Variants in TMTC2 observed in about 807,000 individuals in gnomAD.
TMTC2 encodes transmembrane O-mannosyltransferase targeting cadherins 2, also known as protein O-mannosyl-transferase TMTC2.
A neutral mutation model predicts 82.4 loss-of-function variants in TMTC2; 43 were observed. The ratio of observed to expected loss-of-function variants is 0.52; its 90% CI spans 0.41 to 0.67. The LOEUF is 0.67. Ranked by LOEUF, TMTC2 falls within the 30% of genes least tolerant of loss-of-function variation. The pLI, the probability that TMTC2 is intolerant of heterozygous loss-of-function variation, is 0.00. For synonymous variants in TMTC2, 408 were observed against 381.9 expected (o/e 1.07, Z -0.80); for missense variants, 919 against 1,012.4 (o/e 0.91, Z 1.25).
At chr12:82,739,376 A>C (rs1281427652) in intron 1 of TMTC2, among the ~76,000 whole-genome samples, 2 of 152,034 alleles carry the variant, frequency 1.3e-5, no homozygotes, top group African/African-American at 4.8e-5. Flanking sequence ...TTCTGGGTGG[A>C]GAAGAGATAT....
chr12:82,714,864 G>A (rs907458271), intron 1 of TMTC2, among the ~76,000 whole-genome samples: 4 of 152,136 alleles, frequency 2.6e-5, no homozygotes, highest in Admixed American at 2.6e-4. Flanking sequence ...TGGCTCATGG[G>A]ACTTGAACAT....
chr12:82,998,943 G>A (rs1879792781), intron 8 of TMTC2, among the ~76,000 whole-genome samples: 1 of 152,088 alleles, frequency 6.6e-6, no homozygotes, highest in South Asian at 2.1e-4. Flanking sequence ...ATTGAAGTTA[G>A]TACAGAGAGT....
Position 83,079,542 on chromosome 12 carries a change from C to G in TMTC2, c.2331+17711C>G, listed in dbSNP as rs1408538209. On this transcript the variant is annotated intron_variant, in intron 11 of 11. Transcript: ENST00000321196. Reference sequence around the variant, plus strand: ...TTGTTATAATAGATTTTACCTTCTACAACTGTTTGCTTTTACTTGTAACCA... The same window carrying G: ...TTGTTATAATAGATTTTACCTTCTAGAACTGTTTGCTTTTACTTGTAACCA... 1.3e-5 allele frequency among the ~76,000 whole-genome samples: 2 copies of G among 152,070 alleles called. 1 individual carries two copies. Among genetic ancestry groups the G allele is most frequent in the Admixed American group, 1.3e-4 (2 of 15,258 alleles).
chr12:82,831,236 T>TG (rs1233532860), intron 1 of TMTC2, among the ~76,000 whole-genome samples: 2 of 152,212 alleles, frequency 1.3e-5, no homozygotes, highest in African/African-American at 4.8e-5. Flanking sequence ...TTCTGCCTTC[T>TG]GGTTTGACCA....
intron 1 of TMTC2, among the ~76,000 whole-genome samples, chr12:82,782,430 T>G (rs2137010951): frequency 6.6e-6 from 1 of 152,290 alleles, no homozygotes; most frequent in Admixed American, 6.5e-5. Context: ...ACATTTTATC[T>G]TCATTTCAGC....
At chr12:82,889,630 A>G (rs1271828222) in intron 2 of TMTC2, among the ~76,000 whole-genome samples, 5 of 149,258 alleles carry the variant, frequency 3.3e-5, no homozygotes, top group Non-Finnish European at 7.4e-5. Flanking sequence ...TCACAAAAAT[A>G]TTTTTCACAA....
intron 2 of TMTC2, among the ~76,000 whole-genome samples, chr12:82,895,350 C>G (rs944448392): frequency 6.6e-6 from 1 of 152,110 alleles, no homozygotes; most frequent in Non-Finnish European, 1.5e-5. Flanking sequence ...TCCTGCCATA[C>G]CACATATTTT....
chr12:82,769,738 G>A (rs1003386858), intron 1 of TMTC2, among the ~76,000 whole-genome samples: 2 of 152,074 alleles, frequency 1.3e-5, no homozygotes, highest in African/African-American at 2.4e-5. Context: ...AGCCTCCTGT[G>A]TAGCTGGGAT....
intron 9 of TMTC2, among the ~76,000 whole-genome samples, chr12:83,032,588 A>G (rs945870791): frequency 5.3e-5 from 8 of 152,084 alleles, no homozygotes; most frequent in African/African-American, 1.7e-4. Context: ...CTTGCTGCCC[A>G]GGCTGGTGTG....
intron 1 of TMTC2, among the ~76,000 whole-genome samples, chr12:82,760,620 G>A (rs1432440395): frequency 6.6e-6 from 1 of 151,960 alleles, no homozygotes; most frequent in African/African-American, 2.4e-5. Context: ...TGGGTCCATG[G>A]CCTGTTAGAA....
chr12:82,917,504 A>T (rs1481295339), intron 3 of TMTC2, among the ~76,000 whole-genome samples: 1 of 152,050 alleles, frequency 6.6e-6, no homozygotes, highest in Non-Finnish European at 1.5e-5. Context: ...TAATAGTACA[A>T]ACTGGATGAT....
intron 7 of TMTC2, among the ~76,000 whole-genome samples, chr12:82,978,554 C>T (rs1878781481): frequency 6.6e-6 from 1 of 151,598 alleles, no homozygotes; most frequent in Non-Finnish European, 1.5e-5. Flanking sequence ...AGAGAATATA[C>T]TTGATATAAT....
intron 1 of TMTC2, among the ~76,000 whole-genome samples, chr12:82,764,566 C>T (rs1159933682): frequency 1.3e-5 from 2 of 152,160 alleles, no homozygotes; most frequent in African/African-American, 4.8e-5. Flanking sequence ...AGCATAAATG[C>T]TTAAAGATAC....
chr12:82,761,397 G>A (rs1433149354), intron 1 of TMTC2, among the ~76,000 whole-genome samples: 1 of 152,350 alleles, frequency 6.6e-6, no homozygotes, highest in South Asian at 2.1e-4. Flanking sequence ...GTGGGGATGA[G>A]TACAGTGTCA....
intron 1 of TMTC2, among the ~76,000 whole-genome samples, chr12:82,734,086 C>G (rs1874967882): frequency 1.3e-5 from 2 of 152,160 alleles, no homozygotes; most frequent in Non-Finnish European, 1.5e-5. Flanking sequence ...CAGATCACAT[C>G]AGGGTATGTG....
chr12:82,777,896 C>T (rs1036244195), intron 1 of TMTC2, among the ~76,000 whole-genome samples: 8 of 152,028 alleles, frequency 5.3e-5, no homozygotes, highest in African/African-American at 1.9e-4. Context: ...TCTGCCTGCC[C>T]AGATGCTTCC....
At chr12:82,968,663 C>T (rs1878323487) in intron 7 of TMTC2, among the ~76,000 whole-genome samples, 1 of 152,122 alleles carries the variant, frequency 6.6e-6, no homozygotes, top group Non-Finnish European at 1.5e-5. Context: ...TGATGATGTT[C>T]ACTAGAGTTA....
intron 1 of TMTC2, among the ~76,000 whole-genome samples, chr12:82,724,449 TAGTG>T (rs1302876038): frequency 2.0e-5 from 3 of 152,108 alleles, no homozygotes; most frequent in African/African-American, 7.2e-5. Flanking sequence ...GTTCTAGTGA[TAGTG>T]AGTGAGTTCT....
chr12:82,894,818 G>A (rs1324937709), intron 2 of TMTC2, among the ~76,000 whole-genome samples: 2 of 151,936 alleles, frequency 1.3e-5, no homozygotes, highest in Non-Finnish European at 2.9e-5. Flanking sequence ...TTTTTTATTT[G>A]AGTCGGAGTC....
Sources: gnomAD v4.1 joint callset for allele counts (sites outside exome capture counted in the v4.1 genomes callset) on GRCh38, gnomAD v4.1.1 for gene constraint, MANE v1.5 for transcripts, NCBI Gene and HGNC (gene_info 2026-07-23, HGNC 2026-07-21) for gene names.